POLE2: variants seen among roughly 807,000 people sequenced by gnomAD.
POLE2 encodes DNA polymerase epsilon subunit 2.
Under a neutral mutation model 79.4 loss-of-function variants are expected in POLE2, and 56 were observed. The ratio of observed to expected loss-of-function variants is 0.71; its 90% CI spans 0.57 to 0.88. POLE2 has a LOEUF of 0.88. POLE2 is among the 40% of genes least tolerant of loss of function. POLE2 has a pLI of 0.00. For missense variants in POLE2, 598 were observed against 638.9 expected (o/e 0.94, Z 0.69); for synonymous variants, 212 against 214.0 (o/e 0.99, Z 0.08).
intron 15 of POLE2, among the ~76,000 whole-genome samples, chr14:49,653,721 G>A (rs1030294983): frequency 6.6e-6 from 1 of 152,084 alleles, no homozygotes; most frequent in East Asian, 1.9e-4. Flanking sequence ...TGCATTCTCA[G>A]CTCACAGCAA....
chr14:49,645,639 A>C (rs1190086986), intron 18 of POLE2, among the ~76,000 whole-genome samples: 1 of 152,204 alleles, frequency 6.6e-6, no homozygotes, highest in Non-Finnish European at 1.5e-5. Flanking sequence ...ACCATGAGAC[A>C]GGGTACTTGA....
chr14:49,687,506 G>A (rs1887239740), intron 1 of POLE2, among the ~76,000 whole-genome samples: 1 of 152,024 alleles, frequency 6.6e-6, no homozygotes, highest in African/African-American at 2.4e-5. Flanking sequence ...CTCATCTTAT[G>A]TCTCAGCAAC....
chr14:49,688,177 C>A lies in POLE2; in HGVS notation c.27G>T (p.Arg9=), dbSNP rs769995540. The A allele has an allele frequency of 2.6e-6, 4 of 1,545,630 alleles. No homozygotes were observed. The highest frequency in any genetic ancestry group is 1.9e-5 in the Admixed American group (1 of 52,430). ...CCCGCAACTTGAAGGCGGAGAGCGC[C>A]CGGCTCCGCAGCCGCTCCGGCGCCA... The part of the protein sequence containing the change: MAPERLRS[R]ALSAFKLRGL... The change falls in exon 1 of 19, where the codon CGG becomes CGT. Residue 9 remains arginine, a synonymous_variant. Coordinates refer to ENST00000216367, the MANE Select transcript of POLE2 (RefSeq NM_002692.4).
At chr14:49,649,025 C>T (rs2139605195) in intron 17 of POLE2, among the ~76,000 whole-genome samples, 1 of 151,634 alleles carries the variant, frequency 6.6e-6, no homozygotes, top group Admixed American at 6.6e-5. Context: ...AGGAAGCATG[C>T]ATATTAAAAA....
At chr14:49,684,522 C>A (rs2139698342) in intron 1 of POLE2, 1 of 151,856 alleles carries the variant, frequency 6.6e-6, no homozygotes, top group East Asian at 1.9e-4. Context: ...AGAAGCAACA[C>A]TCATTAAAAT....
Position 49,677,535 on chromosome 14 carries a change from G to A in POLE2, c.245+2190C>T, listed in dbSNP as rs138061829. ...AGGGCTCCCACCAGGCCCTGACCCT[G>A]CCGGACTAGGCGACCCAGCAGTGCA... On this transcript the variant is annotated intron_variant, in intron 3 of 18. Transcript: ENST00000216367. 157 of 483,410 alleles carry A rather than the reference G, an allele frequency of 3.2e-4. 1 individual carries two copies. The East Asian group carries it at 5.7e-3, about 18-fold the overall frequency. 29.9% of individuals were successfully genotyped at this position (483,410 alleles called of 1,614,324 possible). A position where few individuals can be genotyped will look rare whatever the true frequency, so the allele number is the denominator to read the frequency against.
intron 7 of POLE2, among the ~76,000 whole-genome samples, chr14:49,665,667 T>G (rs1181631478): frequency 6.6e-6 from 1 of 151,274 alleles, no homozygotes; most frequent in East Asian, 1.9e-4. Flanking sequence ...AAGGTTTTTG[T>G]TTTTTCTGGG....
chr14:49,645,524 A>T lies in POLE2; in HGVS notation c.1565+1769T>A, dbSNP rs1883701295. On this transcript the variant is annotated intron_variant, in intron 18 of 18. Coordinates refer to ENST00000216367, the MANE Select transcript of POLE2 (RefSeq NM_002692.4). ...GAAAAGATTCCCCAGTTACCAATAC[A>T]AAATTATAGTTTGGAAATTATGTCA... 3.9e-5 allele frequency among the ~76,000 whole-genome samples: 6 copies of T among 152,246 alleles called. 1 individual carries two copies. The South Asian group carries it at 1.2e-3, about 32-fold the overall frequency.
At chr14:49,661,083 G>A (rs570521360) in intron 10 of POLE2, among the ~76,000 whole-genome samples, 1 of 152,172 alleles carries the variant, frequency 6.6e-6, no homozygotes, top group South Asian at 2.1e-4. Flanking sequence ...ACCACACCTG[G>A]CTAATTTTTG....
At chr14:49,684,308 C>T (rs1886955300) in intron 1 of POLE2, among the ~76,000 whole-genome samples, 1 of 151,726 alleles carries the variant, frequency 6.6e-6, no homozygotes, top group Non-Finnish European at 1.5e-5. Context: ...ACTAAAAACA[C>T]AAAAAATTTA....
In POLE2 at chr14:49,654,034, G is replaced by A. The variant is rs138902693; in HGVS notation, c.1167C>T (p.Phe389=). Residue 389 remains phenylalanine, a synonymous_variant, in exon 15 of 19, where the codon TTC becomes TTT. Transcript: ENST00000216367. ...AAACTGAAAATGGTACCCTTTGTCT[G>A]AATTCATTAGTGATGCTTTCAGCAA... ...PPLAESITNE[F]RQRVPFSVFT... is the part of the protein sequence containing the mutation. 6.3e-7 allele frequency: 1 copy of A among 1,599,340 alleles called. No individual in the cohort carries two copies. Among genetic ancestry groups the A allele is most frequent in the Non-Finnish European group, 8.6e-7 (1 of 1,167,104 alleles).
chr14:49,644,895 A>C (rs900788095), intron 18 of POLE2, among the ~76,000 whole-genome samples: 3 of 152,168 alleles, frequency 2.0e-5, no homozygotes, highest in Admixed American at 2.0e-4. Flanking sequence ...ACAAAAAATC[A>C]GCCAGGCGTG....
At chr14:49,659,136 G>T (rs1264950518) in intron 10 of POLE2, among the ~76,000 whole-genome samples, 1 of 152,136 alleles carries the variant, frequency 6.6e-6, no homozygotes, top group East Asian at 1.9e-4. Context: ...GAAAAAAGTG[G>T]CTGGGCACAG....
At chr14:49,650,065 T>A (rs942627068) in intron 17 of POLE2, 200 bp downstream of exon 17, 7 of 321,992 alleles carry the variant, frequency 2.2e-5, no homozygotes, top group Non-Finnish European at 3.8e-5. Flanking sequence ...TTTTAAGTCA[T>A]GTTACTTTAT....
chr14:49,677,237 G>T, intron 3 of POLE2: 1 of 746,998 alleles, frequency 1.3e-6, no homozygotes. Flanking sequence ...TACTGTCTGA[G>T]GGAGTAGGGT....
chr14:49,675,329 C>G (rs570368821), intron 3 of POLE2, among the ~76,000 whole-genome samples: 2 of 152,220 alleles, frequency 1.3e-5, no homozygotes, highest in African/African-American at 4.8e-5. Flanking sequence ...GGTGATCCAC[C>G]CACCTCAGCC....
intron 1 of POLE2, among the ~76,000 whole-genome samples, chr14:49,686,328 T>C (rs1207993867): frequency 1.3e-5 from 2 of 152,226 alleles, no homozygotes; most frequent in African/African-American, 2.4e-5. Flanking sequence ...TCAGAGTTAC[T>C]AGAAGACTCT....
intron 3 of POLE2, among the ~76,000 whole-genome samples, chr14:49,678,201 G>A (rs367733905): frequency 4.6e-5 from 7 of 151,884 alleles, no homozygotes; most frequent in Non-Finnish European, 7.4e-5. Flanking sequence ...GGGTTTTGCT[G>A]TATGTTGGCC....
chr14:49,648,490 CTA>C (rs1883950679), intron 17 of POLE2, among the ~76,000 whole-genome samples: 1 of 152,196 alleles, frequency 6.6e-6, no homozygotes, highest in African/African-American at 2.4e-5. Flanking sequence ...CCATGAAAGA[CTA>C]TTTCAATGTG....
Sources: gnomAD v4.1 joint callset for allele counts (sites outside exome capture counted in the v4.1 genomes callset) on GRCh38, gnomAD v4.1.1 for gene constraint, MANE v1.5 for transcripts, NCBI Gene and HGNC (gene_info 2026-07-23, HGNC 2026-07-21) for gene names.